Variants in AKR1C3 observed in about 807,000 individuals in gnomAD.
AKR1C3 encodes 3-alpha hydroxysteroid dehydrogenase, type II.
AKR1C3 carries 48 observed loss-of-function variants against 43.6 expected under a neutral mutation model. That is an observed-to-expected ratio of 1.10 (90% CI 0.87 to 1.40). The LOEUF (loss-of-function observed/expected upper bound fraction) is 1.40. Among genes scored for constraint, AKR1C3 ranks in the 40% most tolerant of loss-of-function variants. The pLI, the probability that AKR1C3 is intolerant of heterozygous loss-of-function variation, is 0.00. For synonymous variants in AKR1C3, 162 were observed against 139.6 expected, an observed-to-expected ratio of 1.16 and a Z score of -1.13; for missense variants, 482 against 391.2, an observed-to-expected ratio of 1.23 and a Z score of -1.96.
intron 8 of AKR1C3, 128 bp from the exon 9 acceptor site, chr10:5,107,333 G>A: frequency 1.5e-6 from 1 of 678,724 alleles, no homozygotes. Flanking sequence ...ATAAAGGTAA[G>A]AAAGGCAGAT....
At position 5,107,458 on chromosome 10, in the gene AKR1C3, C is replaced by T. The variant is rs1554787510; in HGVS notation, c.930-3C>T. ...TTTATATTATACATTATTCTCTTTT[C>T]AGTTTTGCTAGCCACCCTAATTATC... On this transcript the variant is annotated splice_polypyrimidine_tract_variant and splice_region_variant and intron_variant, in intron 8 of 8. Transcript: ENST00000380554. 15 of 1,563,114 alleles carry T rather than the reference C, an allele frequency of 9.6e-6. No homozygotes were observed. The highest frequency in any genetic ancestry group is 1.3e-5 in the Non-Finnish European group (15 of 1,134,182).
At chr10:5,074,246 C>T (rs1554781594) in intron 1 of AKR1C3, among the ~76,000 whole-genome samples, 2 of 152,118 alleles carry the variant, frequency 1.3e-5, no homozygotes, top group Non-Finnish European at 2.9e-5. Flanking sequence ...TCCTCAGGAC[C>T]TCCTGAGGGT....
At chr10:5,097,938 C>A in intron 3 of AKR1C3, 1 of 1,040,434 alleles carries the variant, frequency 9.6e-7, no homozygotes, top group South Asian at 3.5e-5. Flanking sequence ...ACCATCTCTC[C>A]CCATTTCAAG....
intron 3 of AKR1C3, 72 bp from the exon 4 acceptor site, chr10:5,098,730 G>C (rs898282383): frequency 5.0e-5 from 62 of 1,235,318 alleles, no homozygotes; most frequent in Non-Finnish European, 7.0e-5. Flanking sequence ...TGTCCTTAAA[G>C]GTACCTGGGG....
At chr10:5,104,277 A>T (rs188027312) in intron 7 of AKR1C3, among the ~76,000 whole-genome samples, 1 of 152,286 alleles carries the variant, frequency 6.6e-6, no homozygotes, top group East Asian at 1.9e-4. Flanking sequence ...TTCTTTTTCA[A>T]TACTAAGTAA....
At chr10:5,103,605 G>A (rs916501610) in intron 7 of AKR1C3, among the ~76,000 whole-genome samples, 13 of 152,118 alleles carry the variant, frequency 8.5e-5, no homozygotes, top group African/African-American at 3.1e-4. Context: ...TTGTCTGGGT[G>A]CCATTTTCTC....
chr10:5,098,056 T>G, intron 3 of AKR1C3: 1 of 998,130 alleles, frequency 1.0e-6, no homozygotes, highest in Non-Finnish European at 1.2e-6. Flanking sequence ...CACAATAGAG[T>G]TTGAAGCTGT....
chr10:5,056,297 G>A (rs1368591309), intron 1 of AKR1C3, among the ~76,000 whole-genome samples: 13 of 152,234 alleles, frequency 8.5e-5, no homozygotes, highest in South Asian at 6.2e-4. Context: ...AGAGTGCAGG[G>A]GAATACAGAA....
chr10:5,049,093 A>G (rs1554778681), intron 1 of AKR1C3, among the ~76,000 whole-genome samples: 2 of 147,394 alleles, frequency 1.4e-5, no homozygotes, highest in African/African-American at 5.1e-5. Context: ...TTGCATGGTC[A>G]TCTACTGTTT....
At chr10:5,067,858 A>G (rs1001259956) in intron 1 of AKR1C3, among the ~76,000 whole-genome samples, 2 of 152,180 alleles carry the variant, frequency 1.3e-5, no homozygotes, top group Non-Finnish European at 2.9e-5. Flanking sequence ...TTAAGGACTC[A>G]GGAAGGACAA....
chr10:5,097,635 T>G, intron 3 of AKR1C3, 85 bp downstream of exon 3: 2 of 1,603,414 alleles, frequency 1.2e-6, no homozygotes, highest in Non-Finnish European at 8.5e-7. Context: ...GAGCTTTTTA[T>G]TAGGAGGATG....
intron 1 of AKR1C3, among the ~76,000 whole-genome samples, chr10:5,073,498 G>A (rs1332845584): frequency 1.3e-5 from 2 of 152,124 alleles, no homozygotes; most frequent in Admixed American, 1.3e-4. Flanking sequence ...AGACTCCTCA[G>A]TGGGACAGCC....
chr10:5,105,556 G>T, intron 7 of AKR1C3, 39 bp from the exon 8 acceptor site: 1 of 1,486,292 alleles, frequency 6.7e-7, no homozygotes, highest in South Asian at 1.2e-5. Context: ...ATTCACAACT[G>T]GCAATCTAAA....
chr10:5,078,746 G>A (rs1191271855), intron 1 of AKR1C3, among the ~76,000 whole-genome samples: 1 of 152,206 alleles, frequency 6.6e-6, no homozygotes, highest in Non-Finnish European at 1.5e-5. Flanking sequence ...AGCACATGTG[G>A]TTTAAATGCT....
upstream of AKR1C3, chr10:5,093,730 T>G (rs1260301712): frequency 6.6e-6 from 1 of 152,098 alleles, no homozygotes; most frequent in East Asian, 1.9e-4. Flanking sequence ...ATGTCCAAAC[T>G]CCAAAAACTG....
At position 5,086,648 on chromosome 10, in the gene AKR1C3, G is replaced by A. The variant is rs1362183229; in HGVS notation, c.85-9762G>A. Reference sequence around the variant, plus strand: ...GGTATCCTTGTTAACTTTCTGTCTCGTTGATCTGTCTAATGTTGACAGTGG... The same window carrying A: ...GGTATCCTTGTTAACTTTCTGTCTCATTGATCTGTCTAATGTTGACAGTGG... On this transcript the variant is annotated intron_variant, in intron 1 of 8. Coordinates refer to the AKR1C3 transcript ENST00000439082. Among the ~76,000 whole-genome samples the A allele has an allele frequency of 2.4e-3, 364 of 152,086 alleles. 3 individuals are homozygous for A. Among genetic ancestry groups the A allele is most frequent in the African/African-American group, 8.0e-3 (332 of 41,442 alleles).
chr10:5,077,546 TG>T, intron 1 of AKR1C3: 1 of 432,088 alleles, frequency 2.3e-6, no homozygotes, highest in Non-Finnish European at 3.1e-6. Flanking sequence ...ATTATGGAAA[TG>T]CAAGGTTTGT....
chr10:5,058,593 G>T (rs1360890885), intron 1 of AKR1C3, among the ~76,000 whole-genome samples: 1 of 152,128 alleles, frequency 6.6e-6, no homozygotes, highest in Non-Finnish European at 1.5e-5. Context: ...AACAGTCCCT[G>T]GACCCTGCTG....
chr10:5,072,480 G>C (rs1554781410), intron 1 of AKR1C3, among the ~76,000 whole-genome samples: 1 of 152,124 alleles, frequency 6.6e-6, no homozygotes. Flanking sequence ...CTCTTCCTTA[G>C]TCCCTTTATT....
Sources: allele counts gnomAD v4.1 joint callset (sites outside exome capture counted in the v4.1 genomes callset), GRCh38; gene constraint gnomAD v4.1.1; transcripts MANE v1.5; gene names NCBI Gene and HGNC (gene_info 2026-07-23, HGNC 2026-07-21).